MPPED1: variants seen among roughly 807,000 people sequenced by gnomAD.
MPPED1 encodes the protein metallophosphoesterase domain-containing protein 1.
In MPPED1, 16 loss-of-function variants were observed where a neutral mutation model predicts 36.2. That is an observed-to-expected ratio of 0.44 (90% CI 0.30 to 0.67). The LOEUF is 0.67. MPPED1 is among the 30% of genes least tolerant of loss of function. The pLI, the probability that MPPED1 is intolerant of heterozygous loss-of-function variation, is 0.10. For synonymous variants in MPPED1, 199 were observed against 191.3 expected, an observed-to-expected ratio of 1.04 and a Z score of -0.33; for missense variants, 307 against 453.4, an observed-to-expected ratio of 0.68 and a Z score of 2.93.
chr22:43,493,090 C>G (rs145085146), intron 4 of MPPED1, among the ~76,000 whole-genome samples: 2 of 152,204 alleles, frequency 1.3e-5, no homozygotes, highest in African/African-American at 4.8e-5. Context: ...GCCACCCATC[C>G]TCCTCTGTCA....
chr22:43,461,183 G>T (rs1930945593), intron 3 of MPPED1, among the ~76,000 whole-genome samples: 1 of 152,118 alleles, frequency 6.6e-6, no homozygotes, highest in East Asian at 1.9e-4. Context: ...GGGCAATATA[G>T]CGAAACCTCA....
chr22:43,488,948 G>T (rs1377375169), intron 4 of MPPED1, among the ~76,000 whole-genome samples: 1 of 152,222 alleles, frequency 6.6e-6, no homozygotes, highest in Non-Finnish European at 1.5e-5. Flanking sequence ...AACAAGTACA[G>T]TGGCTCTTGG....
intron 3 of MPPED1, among the ~76,000 whole-genome samples, chr22:43,445,909 G>T (rs1164299660): frequency 8.3e-6 from 1 of 120,484 alleles, no homozygotes; most frequent in Non-Finnish European, 1.6e-5. Context: ...TTGAGACAGG[G>T]TCCTAGGCTG....
intron 5 of MPPED1, 49 bp downstream of exon 5, chr22:43,498,399 G>T (rs960862582): frequency 1.4e-6 from 2 of 1,442,746 alleles, no homozygotes; most frequent in Non-Finnish European, 1.9e-6. Context: ...TGGGCTGGTG[G>T]GTGGGCTCTG....
chr22:43,476,813 G>C (rs1325735968), intron 4 of MPPED1, among the ~76,000 whole-genome samples: 1 of 152,244 alleles, frequency 6.6e-6, no homozygotes, highest in Non-Finnish European at 1.5e-5. Context: ...TCAGTACCAA[G>C]GACAAGGAGA....
chr22:43,435,309 G>A (rs1459798586), intron 3 of MPPED1, 94 bp downstream of exon 3: 62 of 1,381,266 alleles, frequency 4.5e-5, no homozygotes, highest in Non-Finnish European at 5.9e-5. Context: ...TCCCTCCTGC[G>A]CTGCCCGGGC....
At chr22:43,431,355 T>G (rs1929680545) in intron 2 of MPPED1, among the ~76,000 whole-genome samples, 1 of 152,056 alleles carries the variant, frequency 6.6e-6, no homozygotes, top group Non-Finnish European at 1.5e-5. Context: ...TTTCTCCATA[T>G]TTTGACTCTT....
At position 43,480,169 on chromosome 22, in the gene MPPED1, C is replaced by T. The variant is rs773484995; in HGVS notation, c.632+5208C>T. Among the ~76,000 whole-genome samples, 36 of 152,280 alleles carry T rather than the reference C, an allele frequency of 2.4e-4. No homozygotes were observed. In the Middle Eastern group the frequency reaches 0.01, roughly 43 times the overall value. ...TTGTTGAGCCACACACTCTGAGGCC[C>T]GCTGTGGTTTGTCACGTGCCTGGCT... On this transcript the variant is annotated intron_variant, in intron 4 of 6. Coordinates refer to ENST00000443721, the MANE Select transcript of MPPED1 (RefSeq NM_001044370.2).
intron 4 of MPPED1, among the ~76,000 whole-genome samples, chr22:43,481,204 G>T (rs1931738188): frequency 6.6e-6 from 1 of 152,170 alleles, no homozygotes; most frequent in South Asian, 2.1e-4. Context: ...TGATTGTGTT[G>T]ATGGTGTGAG....
rs896623122 is a variant in MPPED1 at position 43,442,195 on chromosome 22, G to A, written c.406+6980G>A. On this transcript the variant is annotated intron_variant, in intron 3 of 6. Coordinates refer to ENST00000443721, the MANE Select transcript of MPPED1 (RefSeq NM_001044370.2). Reference sequence around the variant, plus strand: ...GGGTGCGGAAACCAACCTTGGATGCGGATGGGAAGGTCCCCATCCCAGAGT... The same window carrying A: ...GGGTGCGGAAACCAACCTTGGATGCAGATGGGAAGGTCCCCATCCCAGAGT... Among the ~76,000 whole-genome samples the A allele has an allele frequency of 4.6e-5, 7 of 151,866 alleles. No homozygotes were observed. The East Asian group carries it at 5.8e-4, about 13-fold the overall frequency.
intron 3 of MPPED1, among the ~76,000 whole-genome samples, chr22:43,437,241 T>C (rs1929992734): frequency 6.6e-6 from 1 of 152,250 alleles, no homozygotes; most frequent in South Asian, 2.1e-4. Context: ...AGATGGACTG[T>C]GCACCTATTT....
In MPPED1 at chr22:43,431,021, ATTTTTTTTTTTTTT is replaced by A. The variant is rs135076; in HGVS notation, c.225-3987_225-3974del. ...CTGTCTCTTTCTACTGTTGTTGTTAATTTTTTTTTTTTTTTTTTTTTTTTTTTTTTTTTTTTTTT... is the reference window on the plus strand; with the variant it reads ...CTGTCTCTTTCTACTGTTGTTGTTAATTTTTTTTTTTTTTTTTTTTTTTTT... On this transcript the variant is annotated intron_variant, in intron 2 of 6. Coordinates refer to ENST00000443721, the MANE Select transcript of MPPED1 (RefSeq NM_001044370.2). Among the ~76,000 whole-genome samples, 295 of 42,284 alleles carry A rather than the reference ATTTTTTTTTTTTTT, an allele frequency of 7.0e-3. 1 individual carries two copies. The highest frequency in any genetic ancestry group is 0.051 in the East Asian group (70 of 1,364). 27.7% of individuals were successfully genotyped at this position (42,284 alleles called of 152,430 possible). A position where few individuals can be genotyped will look rare whatever the true frequency, so the allele number is the denominator to read the frequency against.
rs1031689148 is a variant in MPPED1, at chr22:43,417,457, T to TC, written c.-79+5299_-79+5300insC. Among the ~76,000 whole-genome samples the TC allele has an allele frequency of 4.7e-4, 71 of 151,776 alleles. 1 individual carries two copies. The highest frequency in any genetic ancestry group is 1.7e-3 in the African/African-American group (70 of 41,462). On this transcript the variant is annotated intron_variant, in intron 1 of 6. Transcript: ENST00000443721. ...CTTTGAGTCCCTCTGCTTTTTTTTT[T>TC]TTTTTTCCTTTTATGGCATTTTCTA... is the stretch of plus-strand genomic sequence containing the variant.
intron 4 of MPPED1, among the ~76,000 whole-genome samples, chr22:43,492,665 AGGCCCCCACCTGTGCAAGG>A (rs753632384): frequency 6.6e-6 from 1 of 152,132 alleles, no homozygotes; most frequent in Non-Finnish European, 1.5e-5. Flanking sequence ...CTCATTCCCC[AGGCCCCCACCTGTGCAAGG>A]GGCTCTCCTG....
rs971996305 is a variant in MPPED1 at position 43,507,760 on chromosome 22, A to T, written c.*2144A>T. 8.6e-5 allele frequency: 13 copies of T among 151,806 alleles called. No individual in the cohort carries two copies. The highest frequency in any genetic ancestry group is 1.8e-4 in the Non-Finnish European group (12 of 67,994). The allele number at this position is 151,806 out of a possible 1,614,324, so 9.4% of individuals were successfully genotyped here. Reference sequence around the variant, plus strand: ...TATGAAGATGACGGCGTGCTTCTCAATCATTTTGGCATAACTTGATTGTGG... The same window carrying T: ...TATGAAGATGACGGCGTGCTTCTCATTCATTTTGGCATAACTTGATTGTGG... On this transcript the variant is annotated 3_prime_UTR_variant, in exon 7 of 7. Transcript: ENST00000443721.
At chr22:43,440,515 T>G (rs544206184) in intron 3 of MPPED1, among the ~76,000 whole-genome samples, 26 of 152,316 alleles carry the variant, frequency 1.7e-4, no homozygotes, top group Non-Finnish European at 3.5e-4. Context: ...TGCCCACATC[T>G]TTCCCAAGGC....
intron 5 of MPPED1, among the ~76,000 whole-genome samples, chr22:43,499,270 T>C (rs1301860663): frequency 7.1e-6 from 1 of 140,378 alleles, no homozygotes; most frequent in Non-Finnish European, 1.6e-5. Context: ...GTGGTGGTGA[T>C]GGTGATGGGG....
chr22:43,495,653 G>A (rs1438085692), intron 4 of MPPED1, among the ~76,000 whole-genome samples: 1 of 84,568 alleles, frequency 1.2e-5, no homozygotes, highest in Non-Finnish European at 2.6e-5. Context: ...GATGGTGGAG[G>A]TAGTGGTGGT....
rs1046067116 is a variant in MPPED1 at position 43,502,087 on chromosome 22, G to A, written c.749-557G>A. Among the ~76,000 whole-genome samples, 2 of 152,258 alleles carry A rather than the reference G, an allele frequency of 1.3e-5. No individual in the cohort carries two copies. The highest frequency in any genetic ancestry group is 2.1e-4 in the South Asian group (1 of 4,822). ...TGGGCGGCTCCAGGAGGCTGGCAGCGGGGGCAGGCGCAGGCGCAGCCACGT... is the reference window on the plus strand; with the variant it reads ...TGGGCGGCTCCAGGAGGCTGGCAGCAGGGGCAGGCGCAGGCGCAGCCACGT... On this transcript the variant is annotated intron_variant, in intron 5 of 6. Transcript: ENST00000443721. This position sits in a 1 kb window ranked among gnomAD's most constrained non-coding sequence, Gnocchi z 5.5.
Sources: allele counts gnomAD v4.1 joint callset (sites outside exome capture counted in the v4.1 genomes callset), GRCh38; gene constraint gnomAD v4.1.1; non-coding constraint Gnocchi (gnomAD v3.1); transcripts MANE v1.5; gene names NCBI Gene and HGNC (gene_info 2026-07-23, HGNC 2026-07-21).